The following ZFYVE28 variants were observed in gnomAD, a reference collection of about 807,000 sequenced individuals.
The protein encoded by ZFYVE28 is lateral signaling target protein 2 homolog.
Under a neutral mutation model 82.1 loss-of-function variants are expected in ZFYVE28, and 40 were observed. The observed-to-expected ratio is 0.49, with a 90% CI of 0.38 to 0.63. The LOEUF is 0.63. ZFYVE28 is among the 30% of genes least tolerant of loss of function. ZFYVE28 has a pLI of 0.00. For missense variants in ZFYVE28, 1,321 were observed against 1,242.1 expected (o/e 1.06, Z -0.96); for synonymous variants, 612 against 546.1 (o/e 1.12, Z -1.68).
rs766995598 is a variant in ZFYVE28, at chr4:2,353,971, G to A, written c.142C>T (p.Arg48Trp). ...DSLDGRKDPQRCTLLVSQFRS... is the reference protein window; with the variant it reads ...DSLDGRKDPQWCTLLVSQFRS... ...AACTGGCTGACCAGCAGCGTGCACC[G>A]CTGGGGGTCCTTCCGCCCATCCAGG... Residue 48 changes from arginine to tryptophan, a missense_variant, in exon 2 of 13, where the codon CGG (arginine) becomes TGG (tryptophan). Arg to Trp is a moderately radical substitution (Grantham distance 101, BLOSUM62 -3). This residue lies in a region of ZFYVE28 where 343 missense variants were observed against 408.4 expected (regional missense o/e 0.84). Coordinates refer to ENST00000290974, the MANE Select transcript of ZFYVE28 (RefSeq NM_020972.3). The A allele has an allele frequency of 1.9e-6, 3 of 1,579,944 alleles. No homozygotes were observed. Among genetic ancestry groups the A allele is most frequent in the Non-Finnish European group, 2.6e-6 (3 of 1,163,390 alleles).
chr4:2,308,598 GAC>G (rs1194091281), intron 7 of ZFYVE28, among the ~76,000 whole-genome samples: 1 of 127,614 alleles, frequency 7.8e-6, no homozygotes, highest in Non-Finnish European at 1.7e-5. Flanking sequence ...AGGAAGGAGA[GAC>G]AGAGAGAGAG....
chr4:2,382,109 A>T (rs1225585824), intron 1 of ZFYVE28, among the ~76,000 whole-genome samples: 1 of 152,212 alleles, frequency 6.6e-6, no homozygotes, highest in Non-Finnish European at 1.5e-5. Flanking sequence ...CCTCCACTAG[A>T]TTTCAGAGGA....
chr4:2,333,077 G>C (rs1394778331), intron 6 of ZFYVE28, among the ~76,000 whole-genome samples: 3 of 151,414 alleles, frequency 2.0e-5, no homozygotes. Flanking sequence ...CCACTGTCCT[G>C]AGCCCGAGGG....
chr4:2,380,625 C>G (rs983095384), intron 1 of ZFYVE28, among the ~76,000 whole-genome samples: 10 of 152,202 alleles, frequency 6.6e-5, no homozygotes, highest in Admixed American at 5.2e-4. Flanking sequence ...GAATTATACT[C>G]TCGTAATTCC....
chr4:2,327,716 A>G (rs895325929), intron 6 of ZFYVE28, among the ~76,000 whole-genome samples: 1 of 152,108 alleles, frequency 6.6e-6, no homozygotes, highest in African/African-American at 2.4e-5. Context: ...TTTTTATTCT[A>G]TTAATGTGAT....
intron 1 of ZFYVE28, among the ~76,000 whole-genome samples, chr4:2,382,896 G>C (rs1333598325): frequency 6.6e-6 from 1 of 151,422 alleles, no homozygotes; most frequent in Admixed American, 6.6e-5. Flanking sequence ...GCAGCAGCAG[G>C]AGAAAATGAG....
At chr4:2,272,320 T>C (rs1010639515) in intron 10 of ZFYVE28, among the ~76,000 whole-genome samples, 3 of 152,140 alleles carry the variant, frequency 2.0e-5, no homozygotes, top group Non-Finnish European at 4.4e-5. Flanking sequence ...CAGAAGCCTC[T>C]GTGGTGAGGG....
At chr4:2,365,004 G>A (rs1318288541) in intron 1 of ZFYVE28, 2 of 617,974 alleles carry the variant, frequency 3.2e-6, no homozygotes, top group Non-Finnish European at 4.0e-6. Context: ...CTCCCTAGGC[G>A]TCAGGCCCCG....
rs1385617507 is a variant in ZFYVE28 at position 2,339,101 on chromosome 4, C to T, written c.521+352G>A. Among the ~76,000 whole-genome samples the T allele has an allele frequency of 4.6e-5, 7 of 152,158 alleles. No homozygotes were observed. Among genetic ancestry groups the T allele is most frequent in the South Asian group, 2.1e-4 (1 of 4,832 alleles). On this transcript the variant is annotated intron_variant, in intron 4 of 12. Coordinates refer to ENST00000290974, the MANE Select transcript of ZFYVE28 (RefSeq NM_020972.3). The surrounding 1 kb of genome is among the most constrained non-coding windows in gnomAD (Gnocchi z 5.0). Reference sequence around the variant, plus strand: ...TGCTGGGATTACAGGCGTGAGCCACCGCACCCGCCTGGCTGCCTCTGTTTT... The same window carrying T: ...TGCTGGGATTACAGGCGTGAGCCACTGCACCCGCCTGGCTGCCTCTGTTTT...
In ZFYVE28 at chr4:2,270,534, T is replaced by C; in HGVS notation, c.*191A>G. On this transcript the variant is annotated 3_prime_UTR_variant, in exon 13 of 13. Transcript: ENST00000290974. The stretch of plus-strand genomic sequence containing the variant: ...GCAAAGCTGACCTCTTGTTGGCCCC[T>C]GCAGCCGGCCCGGGGTCCCTGCAGG... 1 of 819,336 alleles carries C rather than the reference T, an allele frequency of 1.2e-6. No individual in the cohort carries two copies. 50.8% of individuals were successfully genotyped at this position (819,336 alleles called of 1,614,324 possible).
chr4:2,414,281 A>G (rs111677592), intron 1 of ZFYVE28, among the ~76,000 whole-genome samples: 4,496 of 152,304 alleles, frequency 0.03, 238 homozygotes, highest in African/African-American at 0.1. Context: ...CCCACAAAAC[A>G]TGCCAGTGGG....
chr4:2,403,781 AT>A (rs1334551037), intron 1 of ZFYVE28, among the ~76,000 whole-genome samples: 18 of 152,038 alleles, frequency 1.2e-4, no homozygotes, highest in Non-Finnish European at 2.6e-4. Context: ...CCTGGCCAAC[AT>A]GGTGAAACCC....
intron 8 of ZFYVE28, among the ~76,000 whole-genome samples, chr4:2,297,788 G>C (rs1714836451): frequency 6.6e-6 from 1 of 151,616 alleles, no homozygotes. Context: ...GGCGGGCTGT[G>C]CTGGGAGGAA....
chr4:2,327,251 A>AATATATATATAT (rs67940269), intron 6 of ZFYVE28, among the ~76,000 whole-genome samples: 2 of 87,340 alleles, frequency 2.3e-5, no homozygotes, highest in African/African-American at 5.2e-5. Flanking sequence ...CTCCATCTCA[A>AATATATATATAT]ATATATATAT....
rs781156314 is a variant in ZFYVE28, at chr4:2,304,478, G to C, written c.1862C>G (p.Ser621Cys). Residue 621 changes from serine to cysteine, a missense_variant, in exon 8 of 13, where the codon TCC becomes TGC. This residue lies in a region of ZFYVE28 where 978 missense variants were observed against 833.7 expected (regional missense o/e 1.17). Transcript: ENST00000290974. ...EEAPPPSEDASNGREPKAPTS... is the reference protein window; with the variant it reads ...EEAPPPSEDACNGREPKAPTS... ...GGGGGCTTTGGGCTCCCGCCCGTTG[G>C]AGGCATCTTCTGAGGGTGGGGGCGC... The C allele has an allele frequency of 8.7e-6, 14 of 1,613,198 alleles. No individual in the cohort carries two copies. Among genetic ancestry groups the C allele is most frequent in the African/African-American group, 8.0e-5 (6 of 74,948 alleles).
At chr4:2,397,966 A>C (rs1730658342) in intron 1 of ZFYVE28, among the ~76,000 whole-genome samples, 1 of 132,768 alleles carries the variant, frequency 7.5e-6, no homozygotes, top group Non-Finnish European at 1.6e-5. Flanking sequence ...TCCAGGTGTG[A>C]GGCCCAGGCA....
intron 8 of ZFYVE28, among the ~76,000 whole-genome samples, chr4:2,293,889 T>G (rs2108813255): frequency 6.6e-6 from 1 of 152,208 alleles, no homozygotes; most frequent in East Asian, 1.9e-4. Flanking sequence ...TACTTGAGGA[T>G]TCATCTGACA....
intron 1 of ZFYVE28, among the ~76,000 whole-genome samples, chr4:2,404,933 G>T (rs28703260): frequency 1.4e-5 from 2 of 145,480 alleles, no homozygotes; most frequent in African/African-American, 2.5e-5. Context: ...TGGCACAGTC[G>T]TAGTTCACTG....
chr4:2,279,285 AGCTG>A (rs963308502), intron 8 of ZFYVE28, among the ~76,000 whole-genome samples: 19 of 152,148 alleles, frequency 1.2e-4, no homozygotes, highest in African/African-American at 3.9e-4. Context: ...TACAAAAATT[AGCTG>A]GGTGTGGTGG....
Sources: allele counts gnomAD v4.1 joint callset (sites outside exome capture counted in the v4.1 genomes callset), GRCh38; gene constraint gnomAD v4.1.1; regional missense constraint gnomAD v4.1.1; non-coding constraint Gnocchi (gnomAD v3.1); transcripts MANE v1.5; gene names NCBI Gene and HGNC (gene_info 2026-07-23, HGNC 2026-07-21).